COL12A1: variants seen among roughly 807,000 people sequenced by gnomAD.
The protein encoded by COL12A1 is collagen alpha-1(XII) chain.
Under a neutral mutation model 349.7 loss-of-function variants are expected in COL12A1, and 114 were observed. The ratio of observed to expected loss-of-function variants is 0.33; its 90% CI spans 0.28 to 0.38. The LOEUF (loss-of-function observed/expected upper bound fraction) is 0.38. Among genes scored for constraint, COL12A1 ranks in the 10% least tolerant of loss-of-function variants. The pLI, the probability that COL12A1 is intolerant of heterozygous loss-of-function variation, is 1.00. For missense variants in COL12A1, 3,284 were observed against 3,756.9 expected (o/e 0.87, Z 3.29); for synonymous variants, 1,369 against 1,329.0 (o/e 1.03, Z -0.66).
chr6:75,181,158 T>C lies in COL12A1; in HGVS notation c.1945A>G (p.Lys649Glu). ...SFSEVTSYGF[K>E]TNWSPAGENV... ...TCTCCAGCTGGAGACCAGTTGGTTTTGAAACCATAAGAAGTCACTTCTGAA... is the reference window on the plus strand; with the variant it reads ...TCTCCAGCTGGAGACCAGTTGGTTTCGAAACCATAAGAAGTCACTTCTGAA... Residue 649 changes from lysine (K) to glutamate (E), a missense_variant, in exon 11 of 66, where the codon AAA (lysine) becomes GAA (glutamate). By Grantham distance (56) the Lys-to-Glu change is moderately conservative (BLOSUM62 1). Around this residue, in one of 2 missense-constraint regions of COL12A1, gnomAD observed 2,601 missense variants for 2,824.8 expected, o/e 0.92. Coordinates refer to ENST00000322507, the MANE Select transcript of COL12A1 (RefSeq NM_004370.6). 1 of 1,613,556 alleles carries C rather than the reference T, an allele frequency of 6.2e-7. No individual in the cohort carries two copies. Among genetic ancestry groups the C allele is most frequent in the East Asian group, 2.2e-5 (1 of 44,848 alleles).
intron 14 of COL12A1, among the ~76,000 whole-genome samples, chr6:75,163,445 A>G (rs1768122026): frequency 6.6e-6 from 1 of 152,178 alleles, no homozygotes; most frequent in Non-Finnish European, 1.5e-5. Flanking sequence ...TCTCACTCAT[A>G]AGTGGGAGTT....
rs1195384541 is a variant in COL12A1 at position 75,175,232 on chromosome 6, C to T, written c.2516G>A (p.Gly839Glu). The T allele has an allele frequency of 6.2e-7, 1 of 1,614,072 alleles. No individual in the cohort carries two copies. Among genetic ancestry groups the T allele is most frequent in the African/African-American group, 1.3e-5 (1 of 74,924 alleles). Residue 839 changes from glycine (G) to glutamate (E), a missense_variant, in exon 13 of 66, where the codon GGA becomes GAA. By Grantham distance (98) the Gly-to-Glu change is moderately conservative. Around this residue, in one of 2 missense-constraint regions of COL12A1, gnomAD observed 2,601 missense variants for 2,824.8 expected, o/e 0.92. Transcript: ENST00000322507. ...TMKLSWSGAP[G>E]KVKQYLVTYT... is the part of the protein sequence containing the mutation. ...TGTGACGAGATACTGTTTCACTTTT[C>T]CTGGTGCCCCACTCCAAGATAATTT...
chr6:75,194,607 C>A (rs1770124171), intron 3 of COL12A1, among the ~76,000 whole-genome samples: 1 of 152,082 alleles, frequency 6.6e-6, no homozygotes, highest in African/African-American at 2.4e-5. Flanking sequence ...TTAATAATAA[C>A]AACCTACCAC....
chr6:75,177,587 T>C, intron 12 of COL12A1, 76 bp downstream of exon 12: 1 of 1,549,244 alleles, frequency 6.5e-7, no homozygotes, highest in Non-Finnish European at 8.9e-7. Flanking sequence ...TAGTTTTTTA[T>C]CTGGATAGTT....
intron 11 of COL12A1, among the ~76,000 whole-genome samples, chr6:75,179,068 T>G (rs1035427519): frequency 6.6e-6 from 1 of 152,288 alleles, no homozygotes; most frequent in East Asian, 1.9e-4. Flanking sequence ...ATTATTTAAG[T>G]GGTTAAATGA....
intron 58 of COL12A1, among the ~76,000 whole-genome samples, chr6:75,099,584 G>A (rs1582045687): frequency 1.3e-5 from 2 of 152,158 alleles, no homozygotes. Context: ...TACTCAAAAA[G>A]GCTACCCACT....
chr6:75,126,227 T>C, intron 39 of COL12A1, 124 bp downstream of exon 39: 2 of 1,117,716 alleles, frequency 1.8e-6, no homozygotes, highest in Non-Finnish European at 2.4e-6. Flanking sequence ...TGCCTTTGGT[T>C]ACAGGAAACT....
At chr6:75,194,585 T>C (rs528853437) in intron 3 of COL12A1, among the ~76,000 whole-genome samples, 92 of 152,210 alleles carry the variant, frequency 6.0e-4, no homozygotes, top group African/African-American at 2.2e-3. Context: ...CAGGTAAAAA[T>C]AGAGTCAATT....
chr6:75,170,550 A>G (rs1256652208), intron 13 of COL12A1, among the ~76,000 whole-genome samples: 1 of 152,208 alleles, frequency 6.6e-6, no homozygotes, highest in Non-Finnish European at 1.5e-5. Context: ...TTACCATTCA[A>G]CTTCAAAGTC....
At chr6:75,170,541 T>C (rs968243794) in intron 13 of COL12A1, among the ~76,000 whole-genome samples, 25 of 152,214 alleles carry the variant, frequency 1.6e-4, no homozygotes, top group African/African-American at 5.5e-4. Flanking sequence ...ACAATTAAAT[T>C]ACCATTCAAC....
chr6:75,202,745 C>G lies in COL12A1; in HGVS notation c.48G>C (p.Leu16=), dbSNP rs750925161. ...CTTCTGCCTCAATGGAAGACAGGAG[C>G]AGGGCCGCGCCCAGGGCGGCAAGCG... ...PPALAALGAA[L]LLSSIEAEVD... Residue 16 remains leucine, a synonymous_variant, in exon 2 of 66, where the codon CTG becomes CTC. Coordinates refer to ENST00000322507, the MANE Select transcript of COL12A1 (RefSeq NM_004370.6). The G allele has an allele frequency of 6.4e-7, 1 of 1,551,900 alleles. No individual in the cohort carries two copies. Among genetic ancestry groups the G allele is most frequent in the African/African-American group, 1.4e-5 (1 of 73,178 alleles).
chr6:75,172,608 T>G (rs1768695362), intron 13 of COL12A1, among the ~76,000 whole-genome samples: 1 of 152,122 alleles, frequency 6.6e-6, no homozygotes, highest in Non-Finnish European at 1.5e-5. Context: ...CTTCAAAAGG[T>G]CCAAAGAAAA....
At chr6:75,182,218 A>T (rs777462402) in intron 10 of COL12A1, among the ~76,000 whole-genome samples, 130 of 150,496 alleles carry the variant, frequency 8.6e-4, no homozygotes, top group Non-Finnish European at 1.6e-3. Flanking sequence ...GGGACTTTTT[A>T]TTATTATAAT....
At chr6:75,121,990 G>A (rs1176709201) in intron 43 of COL12A1, among the ~76,000 whole-genome samples, 2 of 151,714 alleles carry the variant, frequency 1.3e-5, no homozygotes, top group South Asian at 2.1e-4. Flanking sequence ...CTCCTGAGTA[G>A]CTGGGACTAC....
chr6:75,090,687 C>T lies in COL12A1; in HGVS notation c.8753-389G>A, dbSNP rs1447369982. Among the ~76,000 whole-genome samples the T allele has an allele frequency of 1.3e-5, 2 of 152,188 alleles. No homozygotes were observed. The highest frequency in any genetic ancestry group is 3.8e-4 in the East Asian group (2 of 5,200). On this transcript the variant is annotated intron_variant, in intron 62 of 65. Transcript: ENST00000322507. This position sits in a 1 kb window ranked among gnomAD's most constrained non-coding sequence, Gnocchi z 4.1. Reference sequence around the variant, plus strand: ...AGGCAATGATAATCAGGTTTCAGTGCAAACTGGAATTGCCTGTGGGGCACC... The same window carrying T: ...AGGCAATGATAATCAGGTTTCAGTGTAAACTGGAATTGCCTGTGGGGCACC...
chr6:75,134,817 C>G lies in COL12A1; in HGVS notation c.5433G>C (p.Gln1811His). Residue 1811 changes from glutamine to histidine, a missense_variant, in exon 32 of 66, where the codon CAG (glutamine) becomes CAC (histidine). Physicochemically the swap from Gln to His is conservative, Grantham distance 24. This residue lies in a region of COL12A1 where 2,601 missense variants were observed against 2,824.8 expected (regional missense o/e 0.92). Transcript: ENST00000322507. Reference sequence around the variant, plus strand: ...TGTAAGGAGTGTCTGGCTTCAGTTTCTGCAGGACCACACTGTTCTGCCGTC... The same window carrying G: ...TGTAAGGAGTGTCTGGCTTCAGTTTGTGCAGGACCACACTGTTCTGCCGTC... Reference protein sequence around the residue: ...IGGRQNSVVLQKLKPDTPYTI... With the variant: ...IGGRQNSVVLHKLKPDTPYTI... The G allele has an allele frequency of 6.2e-7, 1 of 1,613,150 alleles. No individual in the cohort carries two copies. The highest frequency in any genetic ancestry group is 8.5e-7 in the Non-Finnish European group (1 of 1,179,352).
At chr6:75,099,390 T>A (rs988588790) in intron 58 of COL12A1, among the ~76,000 whole-genome samples, 1 of 152,232 alleles carries the variant, frequency 6.6e-6, no homozygotes, top group Non-Finnish European at 1.5e-5. Flanking sequence ...ACAATTTGAA[T>A]AAAATTTCTT....
chr6:75,132,169 T>C (rs1177927443), intron 34 of COL12A1, 87 bp from the exon 35 acceptor site: 1 of 1,473,774 alleles, frequency 6.8e-7, no homozygotes, highest in East Asian at 2.3e-5. Context: ...CTACATTCTG[T>C]AACAGGATAA....
intron 14 of COL12A1, among the ~76,000 whole-genome samples, chr6:75,163,772 T>C (rs1768141496): frequency 2.6e-5 from 4 of 152,350 alleles, no homozygotes; most frequent in African/African-American, 9.6e-5. Context: ...TCTTCTGAGA[T>C]ACAGAGATTT....
Sources: allele counts gnomAD v4.1 joint callset (sites outside exome capture counted in the v4.1 genomes callset), GRCh38; gene constraint gnomAD v4.1.1; regional missense constraint gnomAD v4.1.1; non-coding constraint Gnocchi (gnomAD v3.1); transcripts MANE v1.5; gene names NCBI Gene and HGNC (gene_info 2026-07-23, HGNC 2026-07-21).